The following MACROD2 variants were observed in gnomAD, a reference collection of about 807,000 sequenced individuals.
The protein encoded by MACROD2 is ADP-ribose glycohydrolase MACROD2.
MACROD2 carries 36 observed loss-of-function variants against 70.4 expected under a neutral mutation model. That is an observed-to-expected ratio of 0.51 (90% CI 0.39 to 0.68). The LOEUF is 0.68. Among genes scored for constraint, MACROD2 ranks in the 30% least tolerant of loss-of-function variants. MACROD2 has a pLI of 0.00. For missense variants in MACROD2, 496 were observed against 538.4 expected (o/e 0.92, Z 0.78); for synonymous variants, 172 against 178.8 (o/e 0.96, Z 0.30).
chr20:14,956,214 G>T lies in MACROD2; in HGVS notation c.418+271255G>T, dbSNP rs990872296. ...CTATAACCTAGTGCTTACCTCTGAG[G>T]TTTATTTAACATGGCAGGTGGTGAC... On this transcript the variant is annotated intron_variant, in intron 5 of 17. Transcript: ENST00000684519. Among the ~76,000 whole-genome samples, 4 of 152,094 alleles carry T rather than the reference G, an allele frequency of 2.6e-5. 1 individual carries two copies. The South Asian group carries it at 8.3e-4, about 31-fold the overall frequency.
intron 8 of MACROD2, among the ~76,000 whole-genome samples, chr20:15,621,091 G>A (rs1017599410): frequency 1.3e-5 from 2 of 152,128 alleles, no homozygotes; most frequent in Non-Finnish European, 2.9e-5. Flanking sequence ...AGGATACTTG[G>A]GGATGTCACT....
Position 15,263,885 on chromosome 20 carries a change from T to C in MACROD2, c.540+33824T>C, listed in dbSNP as rs892221991. ...ACTGATTTTGTGTGTTGATTTTGTA[T>C]CCTGAAATTTTACTGAATTTGTTTA... On this transcript the variant is annotated intron_variant, in intron 6 of 17. Coordinates refer to ENST00000684519, the MANE Select transcript of MACROD2 (RefSeq NM_001351661.2). Among the ~76,000 whole-genome samples the C allele has an allele frequency of 3.3e-5, 5 of 152,180 alleles. No homozygotes were observed. In the South Asian group the frequency reaches 8.3e-4, roughly 25 times the overall value.
chr20:15,870,083 C>T (rs1423330557), intron 9 of MACROD2, among the ~76,000 whole-genome samples: 1 of 151,994 alleles, frequency 6.6e-6, no homozygotes, highest in East Asian at 1.9e-4. Flanking sequence ...AACCACGTTT[C>T]ACTTATTTTG....
intron 6 of MACROD2, among the ~76,000 whole-genome samples, chr20:15,362,002 T>A (rs2078356873): frequency 6.9e-6 from 1 of 145,510 alleles, no homozygotes; most frequent in South Asian, 2.2e-4. Context: ...ACAGTCTTAT[T>A]TCTTCCTTTT....
At chr20:15,589,776 C>G (rs2048653221) in intron 8 of MACROD2, among the ~76,000 whole-genome samples, 1 of 152,194 alleles carries the variant, frequency 6.6e-6, no homozygotes, top group African/African-American at 2.4e-5. Flanking sequence ...ACCACTTAGT[C>G]TGTTCAGACT....
intron 8 of MACROD2, among the ~76,000 whole-genome samples, chr20:15,549,300 G>C (rs1485820480): frequency 6.6e-6 from 1 of 152,218 alleles, no homozygotes; most frequent in African/African-American, 2.4e-5. Context: ...TTTGCTGCTA[G>C]AGATTGAGGT....
intron 5 of MACROD2, among the ~76,000 whole-genome samples, chr20:14,912,547 A>G (rs1297041712): frequency 6.6e-6 from 1 of 152,162 alleles, no homozygotes; most frequent in Non-Finnish European, 1.5e-5. Flanking sequence ...CACGTGCCAC[A>G]GTAAGAGACC....
chr20:15,695,411 CTTT>C (rs375119900), intron 8 of MACROD2, among the ~76,000 whole-genome samples: 2 of 115,272 alleles, frequency 1.7e-5, no homozygotes, highest in Non-Finnish European at 2.0e-5. Flanking sequence ...TCTTCTTCTT[CTTT>C]TTTTTTTTTT....
chr20:14,007,638 CAA>C (rs1216274113), intron 2 of MACROD2, among the ~76,000 whole-genome samples: 6 of 152,268 alleles, frequency 3.9e-5, no homozygotes, highest in Non-Finnish European at 8.8e-5. Flanking sequence ...TTTGTTGAGA[CAA>C]GAGTTCTAGT....
At chr20:15,948,437 G>A (rs2065859729) in intron 12 of MACROD2, among the ~76,000 whole-genome samples, 1 of 147,010 alleles carries the variant, frequency 6.8e-6, no homozygotes, top group Non-Finnish European at 1.5e-5. Context: ...AAAGAAAATG[G>A]GCCACTTTTA....
At chr20:15,635,360 G>A (rs1286663798) in intron 8 of MACROD2, among the ~76,000 whole-genome samples, 2 of 152,136 alleles carry the variant, frequency 1.3e-5, no homozygotes, top group Non-Finnish European at 2.9e-5. Context: ...TGCAAAGCTA[G>A]TACACAAAGG....
intron 10 of MACROD2, 58 bp from the exon 11 acceptor site, chr20:15,933,218 A>C: frequency 6.5e-7 from 1 of 1,530,012 alleles, no homozygotes; most frequent in Non-Finnish European, 9.0e-7. Context: ...TTAGCCGTAA[A>C]GAGATATTTC....
chr20:15,076,864 T>C (rs6110510), intron 5 of MACROD2, among the ~76,000 whole-genome samples: 73,715 of 152,050 alleles, frequency 0.48, 19,151 homozygotes, highest in East Asian at 0.69. Flanking sequence ...AAAGAGTAAA[T>C]GAATGAATTA....
chr20:15,706,955 A>G (rs2050541532), intron 8 of MACROD2, among the ~76,000 whole-genome samples: 1 of 152,200 alleles, frequency 6.6e-6, no homozygotes, highest in Non-Finnish European at 1.5e-5. Flanking sequence ...AAGGGCTGCT[A>G]TCAAAGGGAC....
intron 8 of MACROD2, among the ~76,000 whole-genome samples, chr20:15,640,333 A>G (rs1038178359): frequency 2.0e-5 from 3 of 152,068 alleles, no homozygotes; most frequent in African/African-American, 7.2e-5. Flanking sequence ...AGAGAGAGAG[A>G]GATGGTGATG....
chr20:15,131,303 G>A (rs982932330), intron 5 of MACROD2, among the ~76,000 whole-genome samples: 3 of 152,024 alleles, frequency 2.0e-5, no homozygotes, highest in Non-Finnish European at 4.4e-5. Flanking sequence ...GTATAAATGA[G>A]TAACACTAAA....
chr20:14,264,458 G>A (rs951669294), intron 3 of MACROD2, among the ~76,000 whole-genome samples: 3 of 152,212 alleles, frequency 2.0e-5, no homozygotes, highest in African/African-American at 7.2e-5. Context: ...TGACATGGGT[G>A]TTGAAGTCAG....
intron 2 of MACROD2, among the ~76,000 whole-genome samples, chr20:14,022,341 C>G (rs1297402175): frequency 6.6e-6 from 1 of 151,816 alleles, no homozygotes; most frequent in Non-Finnish European, 1.5e-5. Context: ...TACATTTACT[C>G]AGTTTTATCA....
chr20:15,975,026 T>C (rs902887276), intron 13 of MACROD2, among the ~76,000 whole-genome samples: 1 of 152,034 alleles, frequency 6.6e-6, no homozygotes, highest in Non-Finnish European at 1.5e-5. Flanking sequence ...CTAATTTTTT[T>C]ATTTGAAAAA....
Sources: gnomAD v4.1 joint callset for allele counts (sites outside exome capture counted in the v4.1 genomes callset) on GRCh38, gnomAD v4.1.1 for gene constraint, MANE v1.5 for transcripts, NCBI Gene and HGNC (gene_info 2026-07-23, HGNC 2026-07-21) for gene names.